HCN1: variants seen among roughly 807,000 people sequenced by gnomAD.
The protein encoded by HCN1 is potassium/sodium hyperpolarization-activated cyclic nucleotide-gated channel 1.
A neutral mutation model predicts 78.9 loss-of-function variants in HCN1; 13 were observed. The observed-to-expected ratio is 0.16, with a 90% CI of 0.11 to 0.26. The LOEUF (loss-of-function observed/expected upper bound fraction) is 0.26. Ranked by LOEUF, HCN1 falls within the 10% of genes least tolerant of loss-of-function variation. HCN1 has a pLI of 1.00. For missense variants in HCN1, 810 were observed against 1,154.3 expected (o/e 0.70, Z 4.32); for synonymous variants, 552 against 455.5 (o/e 1.21, Z -2.70).
intron 2 of HCN1, among the ~76,000 whole-genome samples, chr5:45,538,415 C>G (rs956310046): frequency 6.6e-6 from 1 of 152,094 alleles, no homozygotes. Flanking sequence ...AAGATGGTCT[C>G]TACGTACATT....
intron 2 of HCN1, among the ~76,000 whole-genome samples, chr5:45,569,874 G>T (rs1401557378): frequency 6.6e-6 from 1 of 151,866 alleles, no homozygotes; most frequent in Non-Finnish European, 1.5e-5. Flanking sequence ...ATGATTTGGT[G>T]CCAAGAATAT....
At chr5:45,447,696 A>T (rs949244586) in intron 3 of HCN1, among the ~76,000 whole-genome samples, 1 of 152,162 alleles carries the variant, frequency 6.6e-6, no homozygotes, top group Non-Finnish European at 1.5e-5. Flanking sequence ...TTATTAACTT[A>T]ACTCAGTTCT....
chr5:45,694,799 G>C (rs1249921538), intron 1 of HCN1, among the ~76,000 whole-genome samples: 1 of 152,214 alleles, frequency 6.6e-6, no homozygotes, highest in Non-Finnish European at 1.5e-5. Context: ...ATACTTGAGC[G>C]ACAAGTAAGA....
chr5:45,365,429 A>G (rs73099481), intron 4 of HCN1, among the ~76,000 whole-genome samples: 9 of 152,082 alleles, frequency 5.9e-5, no homozygotes, highest in African/African-American at 1.9e-4. Flanking sequence ...TCACATTTAT[A>G]AGTGAGAACA....
In HCN1 at chr5:45,260,284, G is replaced by A. The variant is rs559118209; in HGVS notation, c.*1637C>T. On this transcript the variant is annotated 3_prime_UTR_variant, in exon 8 of 8. Coordinates refer to ENST00000303230, the MANE Select transcript of HCN1 (RefSeq NM_021072.4). ...TAACTTGGGTTATTTACCGCAGCCA[G>A]TTGTTAGGAATCTTTCAATTGTGTT... 7.2e-5 allele frequency: 11 copies of A among 152,344 alleles called. No homozygotes were observed. The highest frequency in any genetic ancestry group is 3.3e-4 in the Admixed American group (5 of 15,304). The allele number at this position is 152,344 out of a possible 1,614,324, so 9.4% of individuals were successfully genotyped here.
At chr5:45,337,279 T>C (rs1024856339) in intron 5 of HCN1, among the ~76,000 whole-genome samples, 1 of 152,254 alleles carries the variant, frequency 6.6e-6, no homozygotes, top group East Asian at 1.9e-4. Context: ...AAAAATAGGA[T>C]GTTATGTCAT....
intron 3 of HCN1, among the ~76,000 whole-genome samples, chr5:45,416,311 C>A (rs753097093): frequency 6.6e-6 from 1 of 151,810 alleles, no homozygotes; most frequent in Non-Finnish European, 1.5e-5. Flanking sequence ...TGAAAATGTC[C>A]CTTCACAATG....
At chr5:45,471,581 TTTAA>T (rs1471005307) in intron 2 of HCN1, among the ~76,000 whole-genome samples, 4 of 151,964 alleles carry the variant, frequency 2.6e-5, no homozygotes, top group Admixed American at 6.6e-5. Flanking sequence ...ACTTTGATTC[TTTAA>T]TTGTTTTGGA....
At chr5:45,425,893 G>T (rs1020709327) in intron 3 of HCN1, among the ~76,000 whole-genome samples, 3 of 152,152 alleles carry the variant, frequency 2.0e-5, no homozygotes, top group Non-Finnish European at 2.9e-5. Context: ...GAAAAAGACA[G>T]ATGCTTGGGA....
intron 2 of HCN1, among the ~76,000 whole-genome samples, chr5:45,537,296 TG>T (rs1424211778): frequency 1.3e-5 from 2 of 152,152 alleles, no homozygotes; most frequent in Non-Finnish European, 2.9e-5. Context: ...GATAGTTATC[TG>T]CTAAAGTTTT....
At chr5:45,298,594 C>T (rs1401725868) in intron 6 of HCN1, among the ~76,000 whole-genome samples, 1 of 151,782 alleles carries the variant, frequency 6.6e-6, no homozygotes, top group Non-Finnish European at 1.5e-5. Context: ...GATTATAACC[C>T]AAATTATAAA....
intron 3 of HCN1, among the ~76,000 whole-genome samples, chr5:45,427,942 A>T (rs1209808496): frequency 3.3e-5 from 5 of 151,994 alleles, no homozygotes; most frequent in Non-Finnish European, 5.9e-5. Flanking sequence ...TCTGAAGGAG[A>T]ACTTTATATC....
intron 5 of HCN1, among the ~76,000 whole-genome samples, chr5:45,341,819 G>T (rs1375904633): frequency 2.6e-5 from 4 of 152,276 alleles, no homozygotes; most frequent in East Asian, 1.9e-4. Flanking sequence ...CTTTAGCAGA[G>T]AAACACCCAG....
chr5:45,397,241 C>T (rs934899193), intron 3 of HCN1, among the ~76,000 whole-genome samples: 1 of 152,028 alleles, frequency 6.6e-6, no homozygotes, highest in African/African-American at 2.4e-5. Flanking sequence ...AAATACAGGT[C>T]TGATAAATGG....
chr5:45,294,592 T>C (rs763560409), intron 6 of HCN1, among the ~76,000 whole-genome samples: 3 of 152,034 alleles, frequency 2.0e-5, no homozygotes, highest in Non-Finnish European at 4.4e-5. Flanking sequence ...ATAAATTATA[T>C]TAGAAAAACA....
At position 45,678,687 on chromosome 5, in the gene HCN1, A is replaced by C. The variant is rs550587862; in HGVS notation, c.425+16982T>G. On this transcript the variant is annotated intron_variant, in intron 1 of 7. Transcript: ENST00000303230. ...CAGAAACACATAATGAAAGGAAATT[A>C]AAAGTATTTCTAGGAAGAATGTTTT... is the stretch of plus-strand genomic sequence containing the variant. 1.3e-4 allele frequency among the ~76,000 whole-genome samples: 20 copies of C among 152,086 alleles called. 1 individual carries two copies. The highest frequency in any genetic ancestry group is 4.8e-4 in the African/African-American group (20 of 41,538).
At chr5:45,269,066 T>A (rs1431752070) in intron 6 of HCN1, among the ~76,000 whole-genome samples, 1 of 152,246 alleles carries the variant, frequency 6.6e-6, no homozygotes, top group Non-Finnish European at 1.5e-5. Flanking sequence ...CCACATACTG[T>A]GTGATTCCAT....
chr5:45,339,850 A>AT (rs747354026), intron 5 of HCN1, among the ~76,000 whole-genome samples: 19 of 152,140 alleles, frequency 1.2e-4, no homozygotes, highest in Non-Finnish European at 2.1e-4. Context: ...AAAAGTGGAT[A>AT]TTTTTTCCAG....
intron 2 of HCN1, among the ~76,000 whole-genome samples, chr5:45,600,172 C>G (rs1211483477): frequency 6.6e-6 from 1 of 151,898 alleles, no homozygotes; most frequent in African/African-American, 2.4e-5. Context: ...TCCATTCTCT[C>G]TCTCTCTCTC....
Sources: allele counts gnomAD v4.1 joint callset (sites outside exome capture counted in the v4.1 genomes callset), GRCh38; gene constraint gnomAD v4.1.1; transcripts MANE v1.5; gene names NCBI Gene and HGNC (gene_info 2026-07-23, HGNC 2026-07-21).